Variants in GRID2 observed in about 807,000 individuals in gnomAD.
GRID2 encodes glutamate ionotropic receptor delta type subunit 2, also known as glutamate receptor ionotropic, delta-2.
GRID2 carries 33 observed loss-of-function variants against 114.8 expected under a neutral mutation model. The ratio of observed to expected loss-of-function variants is 0.29; its 90% CI spans 0.22 to 0.38. The LOEUF (loss-of-function observed/expected upper bound fraction) is 0.38, where lower values mean the gene tolerates loss of function less well. Among genes scored for constraint, GRID2 ranks in the 10% least tolerant of loss-of-function variants. The pLI is 1.00. For missense variants in GRID2, 1,184 were observed against 1,257.7 expected (o/e 0.94, Z 0.89); for synonymous variants, 505 against 449.9 (o/e 1.12, Z -1.55).
intron 4 of GRID2, among the ~76,000 whole-genome samples, chr4:93,124,511 T>A (rs1011254569): frequency 6.6e-6 from 1 of 152,246 alleles, no homozygotes; most frequent in African/African-American, 2.4e-5. Flanking sequence ...CTATCTGCCC[T>A]GCTGTACTGA....
At chr4:93,762,241 T>G (rs1733274070) in intron 14 of GRID2, among the ~76,000 whole-genome samples, 1 of 152,172 alleles carries the variant, frequency 6.6e-6, no homozygotes, top group Admixed American at 6.5e-5. Flanking sequence ...ATTTCAAAAT[T>G]TCTTTCTCAG....
At chr4:93,094,030 T>C (rs2149332381) in intron 3 of GRID2, among the ~76,000 whole-genome samples, 1 of 152,198 alleles carries the variant, frequency 6.6e-6, no homozygotes, top group East Asian at 1.9e-4. Flanking sequence ...TTTTATTTTT[T>C]TAACTTTGAT....
At chr4:93,246,112 T>C (rs1308240827) in intron 8 of GRID2, among the ~76,000 whole-genome samples, 3 of 152,216 alleles carry the variant, frequency 2.0e-5, no homozygotes, top group Non-Finnish European at 4.4e-5. Flanking sequence ...TTGGAAACTA[T>C]AATATCTACA....
At chr4:92,754,864 A>G (rs1339078039) in intron 2 of GRID2, among the ~76,000 whole-genome samples, 1 of 152,196 alleles carries the variant, frequency 6.6e-6, no homozygotes, top group South Asian at 2.1e-4. Context: ...TTTTACTGCT[A>G]TGTATATTTT....
At chr4:92,428,379 C>G (rs1470869435) in intron 1 of GRID2, among the ~76,000 whole-genome samples, 1 of 151,930 alleles carries the variant, frequency 6.6e-6, no homozygotes, top group African/African-American at 2.4e-5. Context: ...AATTCTTATT[C>G]TTTTGTTTTC....
At chr4:93,385,483 C>T (rs914746344) in intron 8 of GRID2, among the ~76,000 whole-genome samples, 9 of 152,084 alleles carry the variant, frequency 5.9e-5, no homozygotes, top group African/African-American at 2.2e-4. Flanking sequence ...AAAATAAGAG[C>T]CATTTATTCA....
intron 8 of GRID2, among the ~76,000 whole-genome samples, chr4:93,276,631 T>A (rs1752087245): frequency 6.6e-6 from 1 of 151,994 alleles, no homozygotes; most frequent in Admixed American, 6.6e-5. Flanking sequence ...AGTGTACAAG[T>A]CTTACTCTTG....
chr4:93,426,257 G>T (rs1291535849), intron 10 of GRID2, among the ~76,000 whole-genome samples: 2 of 152,126 alleles, frequency 1.3e-5, no homozygotes, highest in African/African-American at 4.8e-5. Flanking sequence ...GCAATCGTCA[G>T]TCCTCTTCCT....
At chr4:92,862,065 A>G (rs1744568179) in intron 2 of GRID2, among the ~76,000 whole-genome samples, 1 of 152,008 alleles carries the variant, frequency 6.6e-6, no homozygotes. Context: ...AATGCTGAAA[A>G]TATGAAGGCC....
At chr4:93,222,670 G>T (rs933434747) in intron 6 of GRID2, among the ~76,000 whole-genome samples, 2 of 151,848 alleles carry the variant, frequency 1.3e-5, no homozygotes, top group African/African-American at 4.8e-5. Context: ...CTGTGTCCAG[G>T]TGTTCTCATT....
chr4:93,288,579 A>C (rs2149140419), intron 8 of GRID2, among the ~76,000 whole-genome samples: 1 of 152,300 alleles, frequency 6.6e-6, no homozygotes, highest in Non-Finnish European at 1.5e-5. Context: ...TGGCTTGCTA[A>C]TAACTCTGAG....
At chr4:93,146,788 T>C (rs1349458145) in intron 4 of GRID2, among the ~76,000 whole-genome samples, 1 of 152,182 alleles carries the variant, frequency 6.6e-6, no homozygotes, top group East Asian at 1.9e-4. Context: ...GCTACTATGC[T>C]TTTCATTGGG....
At chr4:93,025,605 T>G (rs1230846127) in intron 2 of GRID2, among the ~76,000 whole-genome samples, 1 of 151,774 alleles carries the variant, frequency 6.6e-6, no homozygotes, top group Non-Finnish European at 1.5e-5. Flanking sequence ...ATTTGTAACA[T>G]TTACCTATAA....
At chr4:92,562,318 G>A (rs938984276) in intron 1 of GRID2, among the ~76,000 whole-genome samples, 23 of 152,152 alleles carry the variant, frequency 1.5e-4, no homozygotes, top group African/African-American at 5.3e-4. Flanking sequence ...AAGGTTAATG[G>A]GCACAGGGTG....
chr4:93,499,041 G>A (rs887292183), intron 12 of GRID2, among the ~76,000 whole-genome samples: 1 of 151,736 alleles, frequency 6.6e-6, no homozygotes, highest in Non-Finnish European at 1.5e-5. Flanking sequence ...GTATGCTCGG[G>A]TAATTTTTCT....
At chr4:92,962,940 A>G (rs1164477774) in intron 2 of GRID2, among the ~76,000 whole-genome samples, 1 of 152,028 alleles carries the variant, frequency 6.6e-6, no homozygotes, top group African/African-American at 2.4e-5. Context: ...GATCACAGCC[A>G]CAAAGTGAAT....
intron 14 of GRID2, among the ~76,000 whole-genome samples, chr4:93,659,960 T>C (rs948929420): frequency 2.0e-5 from 3 of 152,164 alleles, no homozygotes; most frequent in African/African-American, 7.2e-5. Context: ...ACTCATTATT[T>C]TACATGAATA....
chr4:92,924,902 T>C (rs1749684224), intron 2 of GRID2, among the ~76,000 whole-genome samples: 2 of 152,134 alleles, frequency 1.3e-5, no homozygotes, highest in Non-Finnish European at 2.9e-5. Flanking sequence ...TAATGTGAGA[T>C]AATATTACAA....
rs77350760 is a variant in GRID2 at position 93,670,793 on chromosome 4, C to T, written c.2360+44358C>T. On this transcript the variant is annotated intron_variant, in intron 14 of 15. Transcript: ENST00000282020. ...TAGATTTATTTTAAAAAAGAACCCA[C>T]TACTAATCTCATTTGAAAATCACTG... Among the ~76,000 whole-genome samples the T allele has an allele frequency of 5.2e-3, 787 of 152,316 alleles. 5 individuals carry two copies. Among genetic ancestry groups the T allele is most frequent in the Non-Finnish European group, 8.6e-3 (586 of 68,028 alleles).
Sources: allele counts gnomAD v4.1 joint callset (sites outside exome capture counted in the v4.1 genomes callset), GRCh38; gene constraint gnomAD v4.1.1; transcripts MANE v1.5; gene names NCBI Gene and HGNC (gene_info 2026-07-23, HGNC 2026-07-21).